The following PADI2 variants were observed in gnomAD, a reference collection of about 807,000 sequenced individuals.
PADI2 encodes protein-arginine deiminase type-2.
PADI2 carries 70 observed loss-of-function variants against 81.1 expected under a neutral mutation model. That is an observed-to-expected ratio of 0.86 (90% CI 0.71 to 1.05). The LOEUF (loss-of-function observed/expected upper bound fraction) is 1.05. Among genes scored for constraint, PADI2 ranks in the 50% least tolerant of loss-of-function variants. The probability of loss-of-function intolerance (pLI) is 0.00; values close to 1 mark genes in which losing one functional copy is unlikely to be tolerated. For missense variants in PADI2, 853 were observed against 889.9 expected, an observed-to-expected ratio of 0.96 and a Z score of 0.53; for synonymous variants, 338 against 358.0, an observed-to-expected ratio of 0.94 and a Z score of 0.63.
At chr1:17,100,045 T>TGC (rs1557769244) in intron 3 of PADI2, among the ~76,000 whole-genome samples, 2 of 150,368 alleles carry the variant, frequency 1.3e-5, no homozygotes, top group Admixed American at 6.6e-5. Flanking sequence ...ATATTGGGGT[T>TGC]GGGGGGGGGC....
intron 10 of PADI2, among the ~76,000 whole-genome samples, chr1:17,079,726 C>T (rs2078330351): frequency 6.6e-6 from 1 of 151,772 alleles, no homozygotes; most frequent in Admixed American, 6.6e-5. Flanking sequence ...TTCCCAAGCA[C>T]AGATACATAT....
In PADI2 at chr1:17,104,560, A is replaced by G. The variant is rs564296729; in HGVS notation, c.276+318T>C. Among the ~76,000 whole-genome samples the G allele has an allele frequency of 5.6e-3, 803 of 142,618 alleles. 4 individuals carry two copies. The highest frequency in any genetic ancestry group is 0.029 in the Middle Eastern group (7 of 238). 93.6% of individuals were successfully genotyped at this position (142,618 alleles called of 152,430 possible). On this transcript the variant is annotated intron_variant, in intron 2 of 15. Coordinates refer to ENST00000375486, the MANE Select transcript of PADI2 (RefSeq NM_007365.3). ...CGCCATTCTCCTGCCTCAGCCTCCC[A>G]AGTAGCTGGGTCTACAGGCACCCGC... is the stretch of plus-strand genomic sequence containing the variant.
At chr1:17,083,011 AG>A (rs1216952559) in intron 9 of PADI2, 1 of 179,384 alleles carries the variant, frequency 5.6e-6, no homozygotes, top group African/African-American at 2.5e-5. Flanking sequence ...CTACGACTAC[AG>A]GTGTGCACTA....
chr1:17,069,779 A>C (rs1254173391), intron 15 of PADI2, among the ~76,000 whole-genome samples: 1 of 152,232 alleles, frequency 6.6e-6, no homozygotes, highest in Non-Finnish European at 1.5e-5. Context: ...TTTATGTTAT[A>C]GAAGACTCCC....
At chr1:17,070,520 C>T (rs552820679) in intron 14 of PADI2, among the ~76,000 whole-genome samples, 2 of 152,356 alleles carry the variant, frequency 1.3e-5, no homozygotes, top group East Asian at 1.9e-4. Context: ...ACCCCTCGGG[C>T]CACCCCATGA....
At chr1:17,082,508 A>G (rs2078351635) in intron 10 of PADI2, 37 bp downstream of exon 10, 1 of 1,305,050 alleles carries the variant, frequency 7.7e-7, no homozygotes, top group Non-Finnish European at 1.1e-6. Context: ...AATCTCCAGG[A>G]TCATGCTCCA....
At chr1:17,096,152 C>G (rs933321652) in intron 3 of PADI2, among the ~76,000 whole-genome samples, 182 bp from the exon 4 acceptor site, 2 of 152,298 alleles carry the variant, frequency 1.3e-5, no homozygotes, top group South Asian at 2.1e-4. Context: ...CACTGGAGAC[C>G]GTCAGCAGAC....
chr1:17,070,110 G>T lies in PADI2; in HGVS notation c.1742C>A (p.Ala581Asp). The T allele has an allele frequency of 6.2e-7, 1 of 1,614,024 alleles. No individual in the cohort carries two copies. The highest frequency in any genetic ancestry group is 2.2e-5 in the East Asian group (1 of 44,882). ...ALFKMDEDHR[A>D]RAFFPNMVNM... Reference sequence around the variant, plus strand: ...CACCATGTTTGGGAAGAAGGCTCTGGCACGGTGGTCCTCGTCCATCTTGAA... The same window carrying T: ...CACCATGTTTGGGAAGAAGGCTCTGTCACGGTGGTCCTCGTCCATCTTGAA... The change falls in exon 15 of 16, where the codon GCC becomes GAC. Residue 581 changes from alanine to aspartate, a missense_variant. By Grantham distance (126) the Ala-to-Asp change is moderately radical. Coordinates refer to ENST00000375486, the MANE Select transcript of PADI2 (RefSeq NM_007365.3).
chr1:17,093,401 A>G (rs1347715894), intron 5 of PADI2, among the ~76,000 whole-genome samples, 166 bp downstream of exon 5: 1 of 151,882 alleles, frequency 6.6e-6, no homozygotes, highest in Admixed American at 6.6e-5. Context: ...GCCCTTGTCT[A>G]TTTCCTATGG....
At chr1:17,107,014 T>G (rs4920337) in intron 1 of PADI2, among the ~76,000 whole-genome samples, 111,627 of 151,920 alleles carry the variant, frequency 0.73, 43,363 homozygotes, top group South Asian at 0.94. Context: ...TGGTGTTTTG[T>G]TGTTGGCTTA....
intron 10 of PADI2, 66 bp downstream of exon 10, chr1:17,082,479 G>C (rs1052596011): frequency 9.4e-7 from 1 of 1,063,016 alleles, no homozygotes; most frequent in Non-Finnish European, 1.5e-6. Context: ...AGGGTCTCCT[G>C]ACCACTCTGT....
chr1:17,119,070 CTG>C lies in PADI2; in HGVS notation c.92+208_92+209del. ...TGGGGCTGAGGCTGTGTTAGGGGGT[CTG>C]GGAGAGTCTCAGGGTTTCTGGAAGG... On this transcript the variant is annotated intron_variant, in intron 1 of 15. Transcript: ENST00000375486. The surrounding 1 kb of genome is among the most constrained non-coding windows in gnomAD (Gnocchi z 4.8). 6.6e-6 allele frequency among the ~76,000 whole-genome samples: 1 copy of C among 151,814 alleles called. No individual in the cohort carries two copies. The highest frequency in any genetic ancestry group is 1.9e-4 in the East Asian group (1 of 5,146).
chr1:17,093,604 C>T lies in PADI2; in HGVS notation c.492G>A (p.Lys164=), dbSNP rs1570992737. ...NCDRETPWLP[K]EDCRDEKVYS... ...AGACCTTCTCATCACGGCAGTCCTC[C>T]TTGGGCAACCAGGGTGTCTCTCGGT... Residue 164 remains lysine, a synonymous_variant, in exon 5 of 16, where the codon AAG becomes AAA. Transcript: ENST00000375486. The T allele has an allele frequency of 6.2e-7, 1 of 1,613,996 alleles. No homozygotes were observed. The highest frequency in any genetic ancestry group is 8.5e-7 in the Non-Finnish European group (1 of 1,179,880).
rs1449103818 is a variant in PADI2 at position 17,104,975 on chromosome 1, T to TCCTCAG, written c.173_178dup (p.Ala58_Glu59dup). On this transcript the variant is annotated inframe_insertion, in exon 2 of 16. Transcript: ENST00000375486. ...GCGCTGCTTGCCATTGGTGGCCACCTCCTCAGCCTCCCCATCACGCACCAC... is the reference window on the plus strand; with the variant it reads ...GCGCTGCTTGCCATTGGTGGCCACCTCCTCAGCCTCAGCCTCCCCATCACGCACCAC... 4 of 1,610,234 alleles carry TCCTCAG rather than the reference T, an allele frequency of 2.5e-6. No homozygotes were observed. In the African/African-American group the frequency reaches 4.0e-5, roughly 16 times the overall value.
At position 17,069,062 on chromosome 1, in the gene PADI2, C is replaced by T; in HGVS notation, c.1980G>A (p.Trp660Ter). The T allele has an allele frequency of 6.2e-7, 1 of 1,613,994 alleles. No homozygotes were observed. Among genetic ancestry groups the T allele is most frequent in the Non-Finnish European group, 8.5e-7 (1 of 1,179,810 alleles). ...NVRRKPFTFK[W>*]WHMVP ...TGGCAGGTCAGGGCACCATGTGCCA[C>T]CACTTGAAGGTGAAGGGCTTCCTGC... The change falls in exon 16 of 16, where the codon TGG (tryptophan) becomes TGA (stop). Residue 660 changes from tryptophan (W) to a stop codon, truncating the protein, a stop_gained. Coordinates refer to ENST00000375486, the MANE Select transcript of PADI2 (RefSeq NM_007365.3). LOFTEE classifies it high-confidence loss of function.
At chr1:17,118,396 C>G (rs1931828165) in intron 1 of PADI2, among the ~76,000 whole-genome samples, 1 of 152,138 alleles carries the variant, frequency 6.6e-6, no homozygotes, top group Non-Finnish European at 1.5e-5. Context: ...TAACCCCACC[C>G]TTTCATTCAC....
intron 4 of PADI2, 97 bp from the exon 5 acceptor site, chr1:17,093,781 T>C: frequency 1.4e-6 from 1 of 708,850 alleles, no homozygotes; most frequent in South Asian, 1.9e-5. Flanking sequence ...GGGTAAAGAG[T>C]AGCCGCCACC....
At chr1:17,092,760 G>A (rs1930748397) in intron 5 of PADI2, among the ~76,000 whole-genome samples, 1 of 151,574 alleles carries the variant, frequency 6.6e-6, no homozygotes, top group Non-Finnish European at 1.5e-5. Context: ...ACCAGCCTGA[G>A]CAACATAGCA....
rs761392815 is a variant in PADI2, at chr1:17,071,414, A to ACAG, written c.1624_1626dup (p.Leu542dup). On this transcript the variant is annotated inframe_insertion, in exon 14 of 16. Transcript: ENST00000375486. ...CCCTGCCCTGCCCTCACCTGGAAGTACAGGTTCTCCTGCACAAGGCTCTCG... is the reference window on the plus strand; with the variant it reads ...CCCTGCCCTGCCCTCACCTGGAAGTACAGCAGGTTCTCCTGCACAAGGCTCTCG... 4 of 1,611,508 alleles carry ACAG rather than the reference A, an allele frequency of 2.5e-6. No homozygotes were observed. The highest frequency in any genetic ancestry group is 3.4e-6 in the Non-Finnish European group (4 of 1,177,666).
Sources: gnomAD v4.1 joint callset for allele counts (sites outside exome capture counted in the v4.1 genomes callset) on GRCh38, gnomAD v4.1.1 for gene constraint, Gnocchi (gnomAD v3.1) non-coding constraint, MANE v1.5 for transcripts, NCBI Gene and HGNC (gene_info 2026-07-23, HGNC 2026-07-21) for gene names.